The following USP35 variants were observed in gnomAD, a reference collection of about 807,000 sequenced individuals.
The protein encoded by USP35 is ubiquitin carboxyl-terminal hydrolase 35.
USP35 carries 69 observed loss-of-function variants against 83.8 expected under a neutral mutation model. The observed-to-expected ratio is 0.82, with a 90% CI of 0.68 to 1.01. The LOEUF is 1.01. Ranked by LOEUF, USP35 falls within the 50% of genes least tolerant of loss-of-function variation. The pLI is 0.00. For missense variants in USP35, 1,503 were observed against 1,362.5 expected (o/e 1.10, Z -1.62); for synonymous variants, 714 against 589.5 (o/e 1.21, Z -3.06).
intron 10 of USP35, among the ~76,000 whole-genome samples, chr11:78,212,219 T>C (rs999888902): frequency 3.3e-5 from 5 of 152,222 alleles, no homozygotes; most frequent in Non-Finnish European, 7.3e-5. Context: ...TTGCTTGTTT[T>C]TGTCAGGTTT....
At chr11:78,227,970 A>G in the USP35 span, among the ~76,000 whole-genome samples, 1 of 152,206 alleles carries the variant, frequency 6.6e-6, no homozygotes, top group Admixed American at 6.5e-5. Context: ...GGAACTATAT[A>G]TAGAAAAAGT....
chr11:78,193,252 G>A (rs951598253), intron 1 of USP35, among the ~76,000 whole-genome samples: 1 of 152,176 alleles, frequency 6.6e-6, no homozygotes, highest in South Asian at 2.1e-4. Flanking sequence ...GGAGTGCAGT[G>A]GCGTGATCTC....
intron 8 of USP35, 107 bp downstream of exon 8, chr11:78,207,730 C>G (rs565503685): frequency 2.7e-4 from 309 of 1,158,990 alleles, no homozygotes; most frequent in African/African-American, 2.3e-3. Context: ...CTGTCATCTC[C>G]CATGTCAGTT....
At chr11:78,223,445 G>A in the USP35 span, 4 of 1,578,494 alleles carry the variant, frequency 2.5e-6, no homozygotes, top group Non-Finnish European at 3.4e-6. Context: ...CGGTTGACAG[G>A]GGGTGGCTGA....
At chr11:78,195,346 G>A (rs1384945769) in intron 1 of USP35, among the ~76,000 whole-genome samples, 4 of 152,060 alleles carry the variant, frequency 2.6e-5, no homozygotes, top group Admixed American at 6.5e-5. Context: ...GTGGTCGTGG[G>A]GGCCTCAGGA....
downstream of USP35, chr11:78,218,487 C>T (rs1234271061): frequency 6.6e-6 from 1 of 152,554 alleles, no homozygotes; most frequent in East Asian, 1.9e-4. Flanking sequence ...GGACCCAGAC[C>T]CCACAGTGTC....
intron 1 of USP35, among the ~76,000 whole-genome samples, chr11:78,194,260 A>G (rs1863080683): frequency 6.6e-6 from 1 of 152,178 alleles, no homozygotes; most frequent in African/African-American, 2.4e-5. Flanking sequence ...ATTTAAACAA[A>G]TGGGCCCTTT....
the USP35 span, chr11:78,221,621 G>T: frequency 2.9e-6 from 3 of 1,038,590 alleles, no homozygotes; most frequent in Non-Finnish European, 4.4e-6. Flanking sequence ...GGGAACTGAG[G>T]GGTGGGTCCC....
At chr11:78,197,561 G>C (rs189293270) in intron 2 of USP35, among the ~76,000 whole-genome samples, 1 of 152,186 alleles carries the variant, frequency 6.6e-6, no homozygotes, top group African/African-American at 2.4e-5. Flanking sequence ...AACAGACTTC[G>C]AGAAGGAAAT....
the USP35 span, chr11:78,225,136 G>A: frequency 6.2e-7 from 1 of 1,613,306 alleles, no homozygotes; most frequent in Non-Finnish European, 8.5e-7. Flanking sequence ...ATCACTCATG[G>A]ATTCAGCAGA....
At chr11:78,204,946 A>C (rs1863487766) in intron 6 of USP35, among the ~76,000 whole-genome samples, 1 of 152,192 alleles carries the variant, frequency 6.6e-6, no homozygotes, top group Non-Finnish European at 1.5e-5. Context: ...AGCTGTTTTG[A>C]AGCTCTGTGG....
chr11:78,206,512 C>G (rs746139712), intron 7 of USP35, among the ~76,000 whole-genome samples: 4 of 152,172 alleles, frequency 2.6e-5, no homozygotes, highest in Non-Finnish European at 4.4e-5. Context: ...CGTATGTCCT[C>G]AAGTCAGTTT....
chr11:78,232,158 T>A, the USP35 span, among the ~76,000 whole-genome samples: 3 of 152,204 alleles, frequency 2.0e-5, no homozygotes, highest in Non-Finnish European at 4.4e-5. Flanking sequence ...GGTGAATGAG[T>A]CAGGGAAGAC....
chr11:78,209,368 G>A (rs980434884), intron 9 of USP35, 80 bp from the exon 10 acceptor site: 2 of 1,420,478 alleles, frequency 1.4e-6, no homozygotes, highest in African/African-American at 1.4e-5. Context: ...TGTTGGGGAA[G>A]GTAAATGGGC....
chr11:78,231,010 G>C, the USP35 span, among the ~76,000 whole-genome samples: 1 of 152,230 alleles, frequency 6.6e-6, no homozygotes, highest in African/African-American at 2.4e-5. Flanking sequence ...GCTTACAGAA[G>C]CCTTATAAAA....
At chr11:78,231,090 C>A in the USP35 span, among the ~76,000 whole-genome samples, 6 of 152,318 alleles carry the variant, frequency 3.9e-5, no homozygotes, top group East Asian at 7.7e-4. Flanking sequence ...TTCTGAGACA[C>A]ACCTCTTACT....
the USP35 span, among the ~76,000 whole-genome samples, chr11:78,223,220 C>T: frequency 2.0e-5 from 3 of 152,156 alleles, no homozygotes; most frequent in African/African-American, 7.2e-5. Flanking sequence ...ATCCTAGATG[C>T]TCTCCTTTGC....
In USP35 at chr11:78,196,729, C is replaced by T; in HGVS notation, c.484C>T (p.Leu162=). 1 of 1,531,164 alleles carries T rather than the reference C, an allele frequency of 6.5e-7. No individual in the cohort carries two copies. The highest frequency in any genetic ancestry group is 8.7e-7 in the Non-Finnish European group (1 of 1,145,170). The allele number at this position is 1,531,164 out of a possible 1,614,324, so 94.8% of individuals were successfully genotyped here. Residue 162 remains leucine (L), a synonymous_variant, in exon 2 of 11, where the codon CTG becomes TTG. Coordinates refer to ENST00000529308, the MANE Select transcript of USP35 (RefSeq NM_020798.4). This position sits in a 1 kb window ranked among gnomAD's most constrained non-coding sequence, Gnocchi z 4.8. ...CTGTGTGCCCGACGGACCCCACCGC[C>T]TGCTCTTCTGCCAGCAGCTGGTGCG... ...PRCVPDGPHR[L]LFCQQLVRCL... is the part of the protein sequence containing the mutation.
chr11:78,226,432 T>TCCC, the USP35 span: 1 of 1,521,674 alleles, frequency 6.6e-7, no homozygotes, highest in Non-Finnish European at 9.1e-7. Context: ...TACCTCCTCC[T>TCCC]CCCTCTGAGT....
Sources: allele counts gnomAD v4.1 joint callset (sites outside exome capture counted in the v4.1 genomes callset), GRCh38; gene constraint gnomAD v4.1.1; non-coding constraint Gnocchi (gnomAD v3.1); transcripts MANE v1.5; gene names NCBI Gene and HGNC (gene_info 2026-07-23, HGNC 2026-07-21).